AGAP1: variants seen among roughly 807,000 people sequenced by gnomAD.
The protein encoded by AGAP1 is arf-GAP with GTPase, ANK repeat and PH domain-containing protein 1.
Under a neutral mutation model 105.3 loss-of-function variants are expected in AGAP1, and 29 were observed. The observed-to-expected ratio is 0.28, with a 90% CI of 0.21 to 0.38. AGAP1 has a LOEUF of 0.38. Among genes scored for constraint, AGAP1 ranks in the 10% least tolerant of loss-of-function variants. AGAP1 has a pLI of 1.00. For missense variants in AGAP1, 998 were observed against 1,165.1 expected (o/e 0.86, Z 2.09); for synonymous variants, 509 against 485.9 (o/e 1.05, Z -0.63).
chr2:235,749,029 G>C (rs1385106040), intron 5 of AGAP1, among the ~76,000 whole-genome samples: 6 of 152,128 alleles, frequency 3.9e-5, no homozygotes. Context: ...CCAACATGGT[G>C]AAACCCCGTG....
At chr2:235,638,332 G>A (rs11684462) in intron 1 of AGAP1, among the ~76,000 whole-genome samples, 100,211 of 151,866 alleles carry the variant, frequency 0.66, 33,309 homozygotes, top group East Asian at 0.75. Flanking sequence ...GCAGCTCTTC[G>A]AACGGGAGCC....
intron 1 of AGAP1, among the ~76,000 whole-genome samples, chr2:235,495,383 C>G (rs1299998835): frequency 2.0e-5 from 3 of 152,246 alleles, no homozygotes; most frequent in African/African-American, 7.2e-5. Context: ...CCAGCCCTAG[C>G]CGCGGGAGCA....
intron 12 of AGAP1, among the ~76,000 whole-genome samples, chr2:235,941,852 G>T (rs957263432): frequency 1.3e-4 from 20 of 150,980 alleles, no homozygotes; most frequent in Non-Finnish European, 2.9e-5. Context: ...TTGTTGTTGG[G>T]GGGGTAAGAA....
chr2:235,695,390 C>A (rs1949949702), intron 1 of AGAP1, among the ~76,000 whole-genome samples: 1 of 152,202 alleles, frequency 6.6e-6, no homozygotes, highest in Non-Finnish European at 1.5e-5. Context: ...CTACCCCCGT[C>A]CCTCAGAGAT....
rs1475774091 is a variant in AGAP1 at position 235,566,223 on chromosome 2, C to T, written c.163+71374C>T. 1.3e-5 allele frequency among the ~76,000 whole-genome samples: 2 copies of T among 151,472 alleles called. No homozygotes were observed. The highest frequency in any genetic ancestry group is 2.9e-5 in the Non-Finnish European group (2 of 67,850). On this transcript the variant is annotated intron_variant, in intron 1 of 17. Transcript: ENST00000304032. The surrounding 1 kb of genome is among the most constrained non-coding windows in gnomAD (Gnocchi z 5.2). The stretch of plus-strand genomic sequence containing the variant: ...TCTGCTCCCTCAGCCTCCCAAGTAG[C>T]TGGGATTACAGGCATGCGCCACCAC...
In AGAP1 at chr2:235,951,970, A is replaced by G. The variant is rs11683125; in HGVS notation, c.1484-16492A>G. 0.025 allele frequency among the ~76,000 whole-genome samples: 3,876 copies of G among 152,242 alleles called. 183 individuals carry two copies. Among genetic ancestry groups the G allele is most frequent in the African/African-American group, 0.088 (3,652 of 41,528 alleles). ...GGAACCTTCTGTCATCCTACCTGCT[A>G]TGTATTTGTGACCTGATATATTATT... On this transcript the variant is annotated intron_variant, in intron 12 of 17. Coordinates refer to ENST00000304032, the MANE Select transcript of AGAP1 (RefSeq NM_001037131.3). The surrounding 1 kb of genome is among the most constrained non-coding windows in gnomAD (Gnocchi z 4.2).
At position 235,973,352 on chromosome 2, in the gene AGAP1, A is replaced by T. The variant is rs953450159; in HGVS notation, c.1645+4729A>T. On this transcript the variant is annotated intron_variant, in intron 13 of 17. Transcript: ENST00000304032. The surrounding 1 kb of genome is among the most constrained non-coding windows in gnomAD (Gnocchi z 4.7). The stretch of plus-strand genomic sequence containing the variant: ...ACAGAAGCAGGGACGGTGACTGGAG[A>T]ATCCCTTATCTTTTTGTGTATATTT... Among the ~76,000 whole-genome samples, 1 of 152,198 alleles carries T rather than the reference A, an allele frequency of 6.6e-6. No individual in the cohort carries two copies. The highest frequency in any genetic ancestry group is 2.4e-5 in the African/African-American group (1 of 41,450).
rs1256131966 is a variant in AGAP1, at chr2:236,002,215, C to G, written c.1645+33592C>G. On this transcript the variant is annotated intron_variant, in intron 13 of 17. Coordinates refer to ENST00000304032, the MANE Select transcript of AGAP1 (RefSeq NM_001037131.3). This position sits in a 1 kb window ranked among gnomAD's most constrained non-coding sequence, Gnocchi z 4.3. ...TCGTTGAGAACATGTGTGGTAGGCA[C>G]GTGCTGGGCACTGAAAATAAACAGA... 6.6e-6 allele frequency among the ~76,000 whole-genome samples: 1 copy of G among 152,200 alleles called. No individual in the cohort carries two copies. Among genetic ancestry groups the G allele is most frequent in the East Asian group, 1.9e-4 (1 of 5,188 alleles).
At chr2:236,100,712 C>G (rs192720155) in intron 16 of AGAP1, among the ~76,000 whole-genome samples, 10 of 152,120 alleles carry the variant, frequency 6.6e-5, no homozygotes, top group Non-Finnish European at 1.0e-4. Context: ...CACCCATTGT[C>G]CCAACTACTT....
intron 6 of AGAP1, among the ~76,000 whole-genome samples, chr2:235,756,838 C>A (rs1486654753): frequency 1.3e-5 from 2 of 152,146 alleles, no homozygotes; most frequent in African/African-American, 4.8e-5. Context: ...GAGGTGGAAC[C>A]GTTTCATCCC....
At chr2:235,686,644 TAGATATATATA>T (rs1949440638) in intron 1 of AGAP1, among the ~76,000 whole-genome samples, 5 of 51,802 alleles carry the variant, frequency 9.7e-5, no homozygotes, top group Admixed American at 2.6e-4. Context: ...TATATATATA[TAGATATATATA>T]TATATATATA....
In AGAP1 at chr2:235,879,206, C is replaced by G. The variant is rs2049890685; in HGVS notation, c.1051-4139C>G. Among the ~76,000 whole-genome samples, 1 of 152,198 alleles carries G rather than the reference C, an allele frequency of 6.6e-6. No individual in the cohort carries two copies. The highest frequency in any genetic ancestry group is 1.5e-5 in the Non-Finnish European group (1 of 68,052). On this transcript the variant is annotated intron_variant, in intron 9 of 17. Coordinates refer to ENST00000304032, the MANE Select transcript of AGAP1 (RefSeq NM_001037131.3). This position sits in a 1 kb window ranked among gnomAD's most constrained non-coding sequence, Gnocchi z 5.0. ...TAACTTCGCTGCCCCTGACTTGTTC[C>G]TTTGGGGAGCAGGGGACATGACTGC...
rs180846662 is a variant in AGAP1, at chr2:235,799,946, G to T, written c.957+424G>T. On this transcript the variant is annotated intron_variant, in intron 8 of 17. Coordinates refer to ENST00000304032, the MANE Select transcript of AGAP1 (RefSeq NM_001037131.3). The surrounding 1 kb of genome is among the most constrained non-coding windows in gnomAD (Gnocchi z 5.0). ...TGGGGTGCCTGGCGCTGCCCTCGGGGTGGAGGTGGGGGACTGGGAGGTGCT... is the reference window on the plus strand; with the variant it reads ...TGGGGTGCCTGGCGCTGCCCTCGGGTTGGAGGTGGGGGACTGGGAGGTGCT... 3.3e-3 allele frequency among the ~76,000 whole-genome samples: 509 copies of T among 152,138 alleles called. 3 individuals are homozygous for T. The highest frequency in any genetic ancestry group is 3.3e-3 in the Non-Finnish European group (226 of 68,002).
Position 235,780,859 on chromosome 2 carries a change from T to C in AGAP1, c.674-16900T>C, listed in dbSNP as rs117940964. 5.2e-3 allele frequency among the ~76,000 whole-genome samples: 798 copies of C among 152,310 alleles called. 32 individuals carry two copies. In the South Asian group the frequency reaches 0.099, roughly 19 times the overall value. On this transcript the variant is annotated intron_variant, in intron 6 of 17. Transcript: ENST00000304032. ...TAATTATACTGAGATAATGATGGTA[T>C]CTGCTGTGTAGCCTCTTCAAGGTAG...
chr2:236,099,790 A>G (rs1297364844), intron 16 of AGAP1, among the ~76,000 whole-genome samples: 2 of 152,320 alleles, frequency 1.3e-5, no homozygotes, highest in East Asian at 3.9e-4. Flanking sequence ...CTGTAAGCCC[A>G]GCACTGTGGG....
chr2:235,495,635 C>T (rs1377084539), intron 1 of AGAP1, among the ~76,000 whole-genome samples: 2 of 152,238 alleles, frequency 1.3e-5, no homozygotes, highest in Non-Finnish European at 2.9e-5. Flanking sequence ...CAGGCAGGGC[C>T]ATGGCCTTCC....
intron 9 of AGAP1, among the ~76,000 whole-genome samples, chr2:235,860,619 G>C (rs1422245914): frequency 6.6e-6 from 1 of 152,172 alleles, no homozygotes; most frequent in Admixed American, 6.5e-5. Flanking sequence ...CACAATTAAA[G>C]ACAGTACAAT....
chr2:235,914,403 G>A (rs557571819), intron 11 of AGAP1, among the ~76,000 whole-genome samples: 1 of 152,182 alleles, frequency 6.6e-6, no homozygotes, highest in Admixed American at 6.5e-5. Context: ...CTCAAGTGGG[G>A]GTGGAGGAGT....
intron 1 of AGAP1, among the ~76,000 whole-genome samples, chr2:235,504,071 A>G (rs964001539): frequency 2.6e-5 from 4 of 151,822 alleles, no homozygotes; most frequent in African/African-American, 4.8e-5. Context: ...TTTTGTAGAG[A>G]TGGGGTCTCG....
Sources: allele counts gnomAD v4.1 joint callset (sites outside exome capture counted in the v4.1 genomes callset), GRCh38; gene constraint gnomAD v4.1.1; non-coding constraint Gnocchi (gnomAD v3.1); transcripts MANE v1.5; gene names NCBI Gene and HGNC (gene_info 2026-07-23, HGNC 2026-07-21).